NDST3: variants seen among roughly 807,000 people sequenced by gnomAD.
NDST3 encodes N-deacetylase and N-sulfotransferase 3, also known as bifunctional heparan sulfate N-deacetylase/N-sulfotransferase 3.
Under a neutral mutation model 96.1 loss-of-function variants are expected in NDST3, and 58 were observed. That is an observed-to-expected ratio of 0.60 (90% CI 0.49 to 0.75). The LOEUF (loss-of-function observed/expected upper bound fraction) is 0.75, where lower values mean the gene tolerates loss of function less well. Ranked by LOEUF, NDST3 falls within the 30% of genes least tolerant of loss-of-function variation. The probability of loss-of-function intolerance (pLI) is 0.00; values close to 1 mark genes in which losing one functional copy is unlikely to be tolerated. For synonymous variants in NDST3, 333 were observed against 359.7 expected, an observed-to-expected ratio of 0.93 and a Z score of 0.84; for missense variants, 788 against 1,034.2, an observed-to-expected ratio of 0.76 and a Z score of 3.27.
intron 3 of NDST3, among the ~76,000 whole-genome samples, chr4:118,107,663 A>G (rs2125854710): frequency 6.6e-6 from 1 of 152,322 alleles, no homozygotes; most frequent in South Asian, 2.1e-4. Flanking sequence ...AACTCTATGT[A>G]TAGAACTCTT....
intron 7 of NDST3, among the ~76,000 whole-genome samples, chr4:118,225,692 T>G (rs747895337): frequency 6.6e-6 from 1 of 152,210 alleles, no homozygotes; most frequent in Non-Finnish European, 1.5e-5. Context: ...CAGATTGAAG[T>G]TGTTAACTCT....
intron 11 of NDST3, 69 bp downstream of exon 11, chr4:118,240,763 GA>G: frequency 1.4e-6 from 2 of 1,416,908 alleles, no homozygotes; most frequent in African/African-American, 2.8e-5. Context: ...TTAAGGTTAA[GA>G]AAATTTTCAA....
At chr4:118,179,050 T>C (rs924262540) in intron 6 of NDST3, among the ~76,000 whole-genome samples, 1 of 151,926 alleles carries the variant, frequency 6.6e-6, no homozygotes, top group African/African-American at 2.4e-5. Flanking sequence ...AACTCCAACT[T>C]TAGAGAACCC....
chr4:118,170,200 T>A (rs1038940029), intron 6 of NDST3, among the ~76,000 whole-genome samples: 1 of 152,142 alleles, frequency 6.6e-6, no homozygotes, highest in Non-Finnish European at 1.5e-5. Context: ...TTTTGGAAAA[T>A]AGAATTTACC....
intron 2 of NDST3, among the ~76,000 whole-genome samples, chr4:118,076,408 TTCTC>T (rs1727535173): frequency 6.6e-6 from 1 of 152,202 alleles, no homozygotes; most frequent in Non-Finnish European, 1.5e-5. Flanking sequence ...GTTGCTCATT[TTCTC>T]TCTGTTTCAG....
chr4:118,151,506 T>A (rs1195312706), intron 6 of NDST3, among the ~76,000 whole-genome samples: 1 of 152,000 alleles, frequency 6.6e-6, no homozygotes. Context: ...ATTTTAGAAA[T>A]CAAACTTAAT....
rs758602240 is a variant in NDST3, at chr4:118,257,772, C to T, written c.*2060C>T. ...AATCACCAATTTTTAAGACTCTTGACTCTAAAAGCAAAATCAAAGTGATTT... is the reference window on the plus strand; with the variant it reads ...AATCACCAATTTTTAAGACTCTTGATTCTAAAAGCAAAATCAAAGTGATTT... On this transcript the variant is annotated 3_prime_UTR_variant, in exon 14 of 14. Coordinates refer to ENST00000296499, the MANE Select transcript of NDST3 (RefSeq NM_004784.3). 2.0e-5 allele frequency: 3 copies of T among 152,050 alleles called. No individual in the cohort carries two copies. The highest frequency in any genetic ancestry group is 4.4e-5 in the Non-Finnish European group (3 of 68,018). The allele number at this position is 152,050 out of a possible 1,614,324, so 9.4% of individuals were successfully genotyped here.
intron 6 of NDST3, among the ~76,000 whole-genome samples, chr4:118,177,085 A>T (rs1736326775): frequency 6.6e-6 from 1 of 152,074 alleles, no homozygotes; most frequent in South Asian, 2.1e-4. Flanking sequence ...ACCAAGAGTC[A>T]CAAGCAAATC....
chr4:118,226,579 G>A (rs939227734), intron 7 of NDST3, among the ~76,000 whole-genome samples: 8 of 152,042 alleles, frequency 5.3e-5, no homozygotes, highest in Non-Finnish European at 1.2e-4. Context: ...TCTCTGCCCA[G>A]TAAGCTAACT....
chr4:118,070,553 T>C (rs1163162129), intron 2 of NDST3, among the ~76,000 whole-genome samples: 1 of 152,092 alleles, frequency 6.6e-6, no homozygotes, highest in Non-Finnish European at 1.5e-5. Flanking sequence ...GTCCATAAGC[T>C]TACTTTTAAT....
intron 6 of NDST3, among the ~76,000 whole-genome samples, chr4:118,185,259 T>C (rs1338921271): frequency 6.6e-6 from 1 of 152,166 alleles, no homozygotes; most frequent in Non-Finnish European, 1.5e-5. Context: ...TCATGCTGTG[T>C]GTATATACAA....
Position 118,053,868 on chromosome 4 carries a change from T to C in NDST3, c.-43T>C. 6.5e-7 allele frequency: 1 copy of C among 1,529,554 alleles called. No individual in the cohort carries two copies. The highest frequency in any genetic ancestry group is 8.8e-7 in the Non-Finnish European group (1 of 1,142,558). The allele number at this position is 1,529,554 out of a possible 1,614,324, so 94.7% of individuals were successfully genotyped here. A position where few individuals can be genotyped will look rare whatever the true frequency, so the allele number is the denominator to read the frequency against. On this transcript the variant is annotated 5_prime_UTR_variant, in exon 2 of 14. Coordinates refer to ENST00000296499, the MANE Select transcript of NDST3 (RefSeq NM_004784.3). ...GAACACCATCTTTTCTTTTAACTTTTTATGGTGCTTCTGTTGGCATAGTTG... is the reference window on the plus strand; with the variant it reads ...GAACACCATCTTTTCTTTTAACTTTCTATGGTGCTTCTGTTGGCATAGTTG...
chr4:118,140,781 C>T (rs1337446651), intron 5 of NDST3, among the ~76,000 whole-genome samples: 1 of 152,200 alleles, frequency 6.6e-6, no homozygotes, highest in Non-Finnish European at 1.5e-5. Context: ...TGTGAGAACT[C>T]ACTCGCTATC....
chr4:118,199,809 A>G (rs1737945567), intron 6 of NDST3, among the ~76,000 whole-genome samples: 1 of 152,222 alleles, frequency 6.6e-6, no homozygotes, highest in East Asian at 1.9e-4. Context: ...TTGCAGACTC[A>G]TAGAGGTACT....
intron 4 of NDST3, among the ~76,000 whole-genome samples, chr4:118,128,732 T>C (rs1302603252): frequency 6.6e-6 from 1 of 152,038 alleles, no homozygotes; most frequent in East Asian, 1.9e-4. Context: ...CCTCCTCCTC[T>C]ATATTTTGGA....
At position 118,130,098 on chromosome 4, in the gene NDST3, T is replaced by C. The variant is rs184473497; in HGVS notation, c.1225-7956T>C. On this transcript the variant is annotated intron_variant, in intron 4 of 13. Coordinates refer to ENST00000296499, the MANE Select transcript of NDST3 (RefSeq NM_004784.3). ...TATCTTTATAAGTGAAGTGTGTTTC[T>C]TGTGGGCAACAGATCATAGAGTCTT... Among the ~76,000 whole-genome samples, 442 of 152,242 alleles carry C rather than the reference T, an allele frequency of 2.9e-3. 2 individuals carry two copies. Among genetic ancestry groups the C allele is most frequent in the African/African-American group, 1.0e-2 (415 of 41,570 alleles).
rs188657059 is a variant in NDST3 at position 118,101,023 on chromosome 4, C to T, written c.982-3995C>T. The stretch of plus-strand genomic sequence containing the variant: ...CTATAAAATATTAACTCTAAAAGTA[C>T]TGTGCTCAAACAAAAATATTTTTAT... On this transcript the variant is annotated intron_variant, in intron 2 of 13. Transcript: ENST00000296499. Among the ~76,000 whole-genome samples the T allele has an allele frequency of 8.7e-3, 1,321 of 152,026 alleles. 13 individuals carry two copies. The highest frequency in any genetic ancestry group is 0.014 in the Non-Finnish European group (922 of 67,942).
chr4:118,151,095 C>G (rs975406296), intron 6 of NDST3, among the ~76,000 whole-genome samples: 16 of 152,118 alleles, frequency 1.1e-4, no homozygotes, highest in African/African-American at 1.4e-4. Flanking sequence ...TAGGGACATG[C>G]ATGAAATTGG....
intron 1 of NDST3, among the ~76,000 whole-genome samples, chr4:118,048,340 T>G (rs57334123): frequency 0.014 from 2,108 of 151,686 alleles, 137 homozygotes; most frequent in Admixed American, 0.093. Flanking sequence ...AACAACCAGC[T>G]AACAACATGA....
Sources: allele counts gnomAD v4.1 joint callset (sites outside exome capture counted in the v4.1 genomes callset), GRCh38; gene constraint gnomAD v4.1.1; transcripts MANE v1.5; gene names NCBI Gene and HGNC (gene_info 2026-07-23, HGNC 2026-07-21).